GYPC: variants seen among roughly 807,000 people sequenced by gnomAD.
GYPC encodes glycophorin C (Gerbich blood group).
GYPC carries 14 observed loss-of-function variants against 12.6 expected under a neutral mutation model. That is an observed-to-expected ratio of 1.11 (90% CI 0.74 to 1.74). GYPC has a LOEUF of 1.74. Ranked by LOEUF, GYPC falls within the 40% of genes most tolerant of loss-of-function variation. The pLI is 0.00. For synonymous variants in GYPC, 78 were observed against 62.1 expected, an observed-to-expected ratio of 1.26 and a Z score of -1.20; for missense variants, 225 against 172.1, an observed-to-expected ratio of 1.31 and a Z score of -1.72.
At chr2:126,692,832 C>T (rs150805030) in intron 2 of GYPC, among the ~76,000 whole-genome samples, 26 of 135,080 alleles carry the variant, frequency 1.9e-4, no homozygotes, top group Non-Finnish European at 3.1e-4. Context: ...AAGGGCTTCT[C>T]CAAGAGAGAA....
chr2:126,668,415 CTGTT>C (rs1682745868), intron 1 of GYPC, among the ~76,000 whole-genome samples: 1 of 152,290 alleles, frequency 6.6e-6, no homozygotes, highest in African/African-American at 2.4e-5. Context: ...TGCTCGGTCA[CTGTT>C]TGCTCTCAGG....
At chr2:126,671,587 A>G (rs1682857820) in intron 1 of GYPC, among the ~76,000 whole-genome samples, 1 of 152,184 alleles carries the variant, frequency 6.6e-6, no homozygotes, top group Admixed American at 6.5e-5. Context: ...ATAACCTGGT[A>G]GCTCCAGAGC....
chr2:126,679,723 A>G (rs1222690826), intron 1 of GYPC: 11 of 152,016 alleles, frequency 7.2e-5, no homozygotes, highest in Non-Finnish European at 1.5e-5. Context: ...AAAAACACAA[A>G]ATTTGCCAGG....
rs77400360 is a variant in GYPC at position 126,695,569 on chromosome 2, G to A, written c.191-377G>A. 9.4e-3 allele frequency among the ~76,000 whole-genome samples: 1,430 copies of A among 152,164 alleles called. 11 individuals carry two copies. The highest frequency in any genetic ancestry group is 0.014 in the Non-Finnish European group (964 of 68,004). On this transcript the variant is annotated intron_variant, in intron 3 of 3. Coordinates refer to ENST00000259254, the MANE Select transcript of GYPC (RefSeq NM_002101.5). ...GAATGCAAAAGCATTCAGTAGAAAC[G>A]GTACTTTGAATTTTGAACTTTGACC...
rs558444624 is a variant in GYPC at position 126,669,956 on chromosome 2, G to A, written c.49+13644G>A. On this transcript the variant is annotated intron_variant, in intron 1 of 3. Transcript: ENST00000259254. ...TTATCTGAGTTTCTGGCCACATCTC[G>A]TCTTCCTCGGCCCAGGGCTGTGGGA... is the stretch of plus-strand genomic sequence containing the variant. Among the ~76,000 whole-genome samples, 4 of 152,224 alleles carry A rather than the reference G, an allele frequency of 2.6e-5. No individual in the cohort carries two copies. The South Asian group carries it at 8.3e-4, about 32-fold the overall frequency.
chr2:126,661,028 T>C (rs1020556445), intron 1 of GYPC, among the ~76,000 whole-genome samples: 2 of 152,232 alleles, frequency 1.3e-5, no homozygotes, highest in Non-Finnish European at 2.9e-5. Flanking sequence ...TACATTTTCA[T>C]TTTTCTACAT....
At chr2:126,692,667 C>G (rs1471926993) in intron 2 of GYPC, among the ~76,000 whole-genome samples, 1 of 152,170 alleles carries the variant, frequency 6.6e-6, no homozygotes, top group Non-Finnish European at 1.5e-5. Flanking sequence ...CCCCAATGTC[C>G]TAGACATCCT....
At chr2:126,656,594 C>A (rs570131713) in intron 1 of GYPC, among the ~76,000 whole-genome samples, 1 of 152,260 alleles carries the variant, frequency 6.6e-6, no homozygotes, top group Non-Finnish European at 1.5e-5. Context: ...GCGTGTCGCC[C>A]GCTTTCTGTT....
At chr2:126,681,073 C>T (rs1437021045) in intron 1 of GYPC, among the ~76,000 whole-genome samples, 2 of 152,128 alleles carry the variant, frequency 1.3e-5, no homozygotes, top group African/African-American at 2.4e-5. Flanking sequence ...AAAAATAACA[C>T]GTTTTTTGTA....
Position 126,656,323 on chromosome 2 carries a change from G to A in GYPC, c.49+11G>A. The A allele has an allele frequency of 6.3e-7, 1 of 1,589,304 alleles. No homozygotes were observed. Among genetic ancestry groups the A allele is most frequent in the Admixed American group, 1.7e-5 (1 of 57,732 alleles). On this transcript the variant is annotated intron_variant, in intron 1 of 3. Transcript: ENST00000259254. Reference sequence around the variant, plus strand: ...GGCCTCTCAGCCTCGGTGAGTACCCGCCGTGGGGAAGGGTCCTGGGGACCC... The same window carrying A: ...GGCCTCTCAGCCTCGGTGAGTACCCACCGTGGGGAAGGGTCCTGGGGACCC...
Position 126,695,926 on chromosome 2 carries a change from G to T in GYPC, c.191-20G>T, listed in dbSNP as rs772468419. ...GAGCCCCTGCCTCAGACTGACCCTT[G>T]CACCTCTTCCCACCTGCAGGTGTGA... is the stretch of plus-strand genomic sequence containing the variant. On this transcript the variant is annotated intron_variant, in intron 3 of 3. Coordinates refer to ENST00000259254, the MANE Select transcript of GYPC (RefSeq NM_002101.5). 1.9e-6 allele frequency: 3 copies of T among 1,610,092 alleles called. No individual in the cohort carries two copies. Among genetic ancestry groups the T allele is most frequent in the African/African-American group, 2.7e-5 (2 of 74,834 alleles).
intron 1 of GYPC, among the ~76,000 whole-genome samples, chr2:126,660,436 G>A (rs1307920757): frequency 1.3e-5 from 2 of 152,044 alleles, no homozygotes; most frequent in Admixed American, 6.6e-5. Context: ...CCCTCAACAC[G>A]CCGCGGGCCT....
At chr2:126,658,155 A>G (rs1682425010) in intron 1 of GYPC, 1 of 152,224 alleles carries the variant, frequency 6.6e-6, no homozygotes, top group Admixed American at 6.5e-5. Context: ...TGGCAGCTTT[A>G]TATAGAATTC....
intron 1 of GYPC, among the ~76,000 whole-genome samples, chr2:126,687,271 G>T: frequency 6.6e-6 from 1 of 152,170 alleles, no homozygotes; most frequent in Non-Finnish European, 1.5e-5. Flanking sequence ...TGATGTCACC[G>T]CTTCTGGAAG....
At chr2:126,685,122 G>A (rs1258648583) in intron 1 of GYPC, among the ~76,000 whole-genome samples, 1 of 152,218 alleles carries the variant, frequency 6.6e-6, no homozygotes, top group East Asian at 1.9e-4. Context: ...CAGCCATCAA[G>A]GGCAAGTAAA....
Position 126,690,327 on chromosome 2 carries a change from A to G in GYPC, c.106+16A>G. 6.3e-7 allele frequency: 1 copy of G among 1,582,526 alleles called. No homozygotes were observed. The highest frequency in any genetic ancestry group is 8.7e-7 in the Non-Finnish European group (1 of 1,151,166). On this transcript the variant is annotated intron_variant, in intron 2 of 3. Coordinates refer to ENST00000259254, the MANE Select transcript of GYPC (RefSeq NM_002101.5). ...ACCATTGCAGGTGAGTTCTCATCAC[A>G]GAGCCTCACCATAATGGAAACTGCC... is the stretch of plus-strand genomic sequence containing the variant.
At chr2:126,692,205 C>A (rs756354577) in intron 2 of GYPC, among the ~76,000 whole-genome samples, 14 of 152,202 alleles carry the variant, frequency 9.2e-5, no homozygotes, top group Middle Eastern at 3.4e-3. Context: ...TCCTGGCTCC[C>A]GAGACCCAGA....
intron 1 of GYPC, 91 bp downstream of exon 1, chr2:126,656,403 T>G: frequency 3.5e-6 from 4 of 1,154,664 alleles, no homozygotes; most frequent in Non-Finnish European, 5.0e-6. Context: ...ACGGACGCCC[T>G]GGTGTCCCGG....
intron 1 of GYPC, among the ~76,000 whole-genome samples, chr2:126,681,180 G>A (rs933569335): frequency 1.1e-4 from 16 of 152,178 alleles, no homozygotes; most frequent in African/African-American, 3.1e-4. Flanking sequence ...CATTTGAAGC[G>A]TATTTCTTTT....
Sources: allele counts gnomAD v4.1 joint callset (sites outside exome capture counted in the v4.1 genomes callset), GRCh38; gene constraint gnomAD v4.1.1; transcripts MANE v1.5; gene names NCBI Gene and HGNC (gene_info 2026-07-23, HGNC 2026-07-21).